Variants in USP3 observed in about 807,000 individuals in gnomAD.
USP3 encodes ubiquitin carboxyl-terminal hydrolase 3.
In USP3, 20 loss-of-function variants were observed where a neutral mutation model predicts 72.3. That is an observed-to-expected ratio of 0.28 (90% CI 0.19 to 0.40). The LOEUF is 0.40. Ranked by LOEUF, USP3 falls within the 10% of genes least tolerant of loss-of-function variation. USP3 has a pLI of 1.00. For missense variants in USP3, 479 were observed against 633.9 expected (o/e 0.76, Z 2.62); for synonymous variants, 222 against 225.3 (o/e 0.99, Z 0.13).
At chr15:63,547,722 TAGAGAGAGAGAG>T (rs138124125) in intron 3 of USP3, among the ~76,000 whole-genome samples, 8 of 68,096 alleles carry the variant, frequency 1.2e-4, no homozygotes, top group Non-Finnish European at 2.1e-4. Flanking sequence ...CCTGTCTCAA[TAGAGAGAGAGAG>T]AGAGAGAGAG....
intron 3 of USP3, among the ~76,000 whole-genome samples, chr15:63,537,645 C>G (rs1264217823): frequency 2.0e-5 from 3 of 152,138 alleles, no homozygotes; most frequent in South Asian, 4.1e-4. Context: ...TCTACTCCCC[C>G]AAAGGTGAAT....
intron 1 of USP3, among the ~76,000 whole-genome samples, chr15:63,512,529 T>C (rs2065804777): frequency 6.6e-6 from 1 of 151,972 alleles, no homozygotes; most frequent in Non-Finnish European, 1.5e-5. Context: ...CACCGAAACC[T>C]CCACTCCCAG....
chr15:63,558,154 A>G lies in USP3; in HGVS notation c.499A>G (p.Thr167Ala). The G allele has an allele frequency of 6.2e-7, 1 of 1,614,108 alleles. No homozygotes were observed. The highest frequency in any genetic ancestry group is 8.5e-7 in the Non-Finnish European group (1 of 1,180,024). ...CATGLRNLGN[T>A]CFMNAILQSL... ...CACAGGCCTTCGGAATTTGGGGAACACATGTTTCATGAATGCCATCCTTCA... is the reference window on the plus strand; with the variant it reads ...CACAGGCCTTCGGAATTTGGGGAACGCATGTTTCATGAATGCCATCCTTCA... The change falls in exon 6 of 15, where the codon ACA becomes GCA. Residue 167 changes from threonine to alanine, a missense_variant. Transcript: ENST00000380324.
rs764921888 is a variant in USP3 at position 63,592,758 on chromosome 15, CCTT to C, written c.*1933_*1935del. 23 of 136,260 alleles carry C rather than the reference CCTT, an allele frequency of 1.7e-4. No homozygotes were observed. The East Asian group carries it at 3.9e-3, about 23-fold the overall frequency. 8.4% of individuals were successfully genotyped at this position (136,260 alleles called of 1,614,324 possible). On this transcript the variant is annotated 3_prime_UTR_variant, in exon 15 of 15. Coordinates refer to ENST00000380324, the MANE Select transcript of USP3 (RefSeq NM_006537.4). ...GCCTGTTCTATTAAAAACATCTTGA[CCTT>C]TTTTTTTTTTTAAGTTTATGATATA...
chr15:63,554,148 G>A (rs1201890362), intron 4 of USP3, among the ~76,000 whole-genome samples: 3 of 152,072 alleles, frequency 2.0e-5, no homozygotes, highest in African/African-American at 7.2e-5. Flanking sequence ...TTTGATAATA[G>A]AAAACCCCTG....
At chr15:63,517,420 G>T (rs879517070) in intron 1 of USP3, among the ~76,000 whole-genome samples, 2 of 151,948 alleles carry the variant, frequency 1.3e-5, no homozygotes, top group Non-Finnish European at 2.9e-5. Context: ...ATTTCTCCTG[G>T]GTTCCTCTTT....
chr15:63,532,716 C>T lies in USP3; in HGVS notation c.152+9C>T, dbSNP rs1567099469. 2 of 1,613,630 alleles carry T rather than the reference C, an allele frequency of 1.2e-6. No individual in the cohort carries two copies. The highest frequency in any genetic ancestry group is 1.7e-6 in the Non-Finnish European group (2 of 1,179,766). The stretch of plus-strand genomic sequence containing the variant: ...AGTGTCCACTGTGGAAGGTAGGTGA[C>T]ATACTTATTACTTCACTGACCTATT... On this transcript the variant is annotated intron_variant, in intron 2 of 14. Coordinates refer to ENST00000380324, the MANE Select transcript of USP3 (RefSeq NM_006537.4).
chr15:63,543,447 G>A (rs1313213184), intron 3 of USP3, among the ~76,000 whole-genome samples: 5 of 152,104 alleles, frequency 3.3e-5, no homozygotes, highest in African/African-American at 1.2e-4. Context: ...TTTTATTTGG[G>A]AGGAGAAAAG....
At chr15:63,567,341 ATTTTTTT>A (rs1276442905) in intron 8 of USP3, among the ~76,000 whole-genome samples, 14 of 119,550 alleles carry the variant, frequency 1.2e-4, no homozygotes, top group African/African-American at 3.8e-4. Flanking sequence ...TGCCTGGCTA[ATTTTTTT>A]TTTTTTTTTT....
chr15:63,536,586 C>T (rs943362791), intron 2 of USP3, among the ~76,000 whole-genome samples: 1 of 151,936 alleles, frequency 6.6e-6, no homozygotes, highest in African/African-American at 2.4e-5. Flanking sequence ...TAAAAGTTGA[C>T]TATAGTATTT....
intron 11 of USP3, among the ~76,000 whole-genome samples, chr15:63,577,604 T>A (rs2066884220): frequency 1.3e-5 from 2 of 152,072 alleles, no homozygotes; most frequent in African/African-American, 4.8e-5. Flanking sequence ...ATACAAAAAT[T>A]AGCTGGGCAT....
intron 6 of USP3, among the ~76,000 whole-genome samples, chr15:63,558,956 G>A (rs2066558668): frequency 6.6e-6 from 1 of 152,172 alleles, no homozygotes; most frequent in Non-Finnish European, 1.5e-5. Context: ...GCCTGGTGGA[G>A]GGCTAGATTT....
At chr15:63,510,724 T>C in intron 1 of USP3, among the ~76,000 whole-genome samples, 1 of 152,148 alleles carries the variant, frequency 6.6e-6, no homozygotes, top group Non-Finnish European at 1.5e-5. Context: ...TGATTGACAG[T>C]TTAGAATGCT....
chr15:63,533,992 C>T, intron 2 of USP3: 1 of 512,024 alleles, frequency 2.0e-6, no homozygotes, highest in Non-Finnish European at 2.6e-6. Context: ...CAACCTAAAT[C>T]TTGATGGTCA....
At position 63,574,377 on chromosome 15, in the gene USP3, A is replaced by C. The variant is rs760378789; in HGVS notation, c.1070A>C (p.Glu357Ala). Reference sequence around the variant, plus strand: ...AGAAGTAAGCGCTCTAAGAATCAAGAAAATGGACCAGTTTGTTCGTTACGA... The same window carrying C: ...AGAAGTAAGCGCTCTAAGAATCAAGCAAATGGACCAGTTTGTTCGTTACGA... ...QFRSKRSKNQENGPVCSLRDC... is the reference protein window; with the variant it reads ...QFRSKRSKNQANGPVCSLRDC... Residue 357 changes from glutamate (E) to alanine (A), a missense_variant, in exon 11 of 15, where the codon GAA (glutamate) becomes GCA (alanine). Transcript: ENST00000380324. This position sits in a 1 kb window ranked among gnomAD's most constrained non-coding sequence, Gnocchi z 4.6. 3 of 1,606,024 alleles carry C rather than the reference A, an allele frequency of 1.9e-6. No homozygotes were observed. In the South Asian group the frequency reaches 3.4e-5, roughly 18 times the overall value.
chr15:63,532,384 A>G, intron 1 of USP3: 14 of 511,956 alleles, frequency 2.7e-5, no homozygotes, highest in Non-Finnish European at 3.9e-5. Flanking sequence ...AAAGGAGACA[A>G]GTGTATATGT....
chr15:63,530,625 A>G lies in USP3; in HGVS notation c.92-2022A>G, dbSNP rs1317345185. On this transcript the variant is annotated intron_variant, in intron 1 of 14. Coordinates refer to ENST00000380324, the MANE Select transcript of USP3 (RefSeq NM_006537.4). The stretch of plus-strand genomic sequence containing the variant: ...AGTGCACCTGGCCCCAAAGTTCTTA[A>G]TATTTACTAAGAGAAAAAAGCTTTA... 9.3e-6 allele frequency: 4 copies of G among 432,132 alleles called. No homozygotes were observed. The East Asian group carries it at 2.5e-4, about 27-fold the overall frequency. The allele number at this position is 432,132 out of a possible 1,614,324, so 26.8% of individuals were successfully genotyped here.
At chr15:63,526,684 T>C (rs2065987489) in intron 1 of USP3, among the ~76,000 whole-genome samples, 1 of 152,212 alleles carries the variant, frequency 6.6e-6, no homozygotes, top group Admixed American at 6.5e-5. Context: ...TGAGTTGCTG[T>C]TACTGATGGG....
At chr15:63,569,938 A>G (rs897687453) in intron 8 of USP3, among the ~76,000 whole-genome samples, 2 of 152,198 alleles carry the variant, frequency 1.3e-5, no homozygotes, top group African/African-American at 4.8e-5. Flanking sequence ...CTTTCAATCT[A>G]AGGAGTCATT....
Sources: allele counts gnomAD v4.1 joint callset (sites outside exome capture counted in the v4.1 genomes callset), GRCh38; gene constraint gnomAD v4.1.1; non-coding constraint Gnocchi (gnomAD v3.1); transcripts MANE v1.5; gene names NCBI Gene and HGNC (gene_info 2026-07-23, HGNC 2026-07-21).